The following DACH1 variants were observed in gnomAD, a reference collection of about 807,000 sequenced individuals.
DACH1 encodes dachshund family transcription factor 1.
Under a neutral mutation model 54.2 loss-of-function variants are expected in DACH1, and 12 were observed. The ratio of observed to expected loss-of-function variants is 0.22; its 90% CI spans 0.14 to 0.36. The LOEUF (loss-of-function observed/expected upper bound fraction) is 0.36. Ranked by LOEUF, DACH1 falls within the 10% of genes least tolerant of loss-of-function variation. DACH1 has a pLI of 1.00. For synonymous variants in DACH1, 386 were observed against 366.2 expected (o/e 1.05, Z -0.62); for missense variants, 805 against 929.8 (o/e 0.87, Z 1.75).
intron 10 of DACH1, among the ~76,000 whole-genome samples, chr13:71,466,983 T>A (rs1876640186): frequency 1.3e-5 from 2 of 152,156 alleles, no homozygotes; most frequent in Admixed American, 1.3e-4. Flanking sequence ...TAACAATGGT[T>A]TCTTTTTCGT....
In DACH1 at chr13:71,477,774, A is replaced by G. The variant is rs948635738; in HGVS notation, c.1870+1395T>C. 2.0e-5 allele frequency among the ~76,000 whole-genome samples: 3 copies of G among 152,272 alleles called. No homozygotes were observed. The East Asian group carries it at 5.8e-4, about 29-fold the overall frequency. On this transcript the variant is annotated intron_variant, in intron 8 of 10. Coordinates refer to ENST00000613252, the MANE Select transcript of DACH1 (RefSeq NM_080759.6). The stretch of plus-strand genomic sequence containing the variant: ...TTGACCGCTCACAGTTTCCTCCTAC[A>G]TGATTGAACCAAATGGGATCGTCAT...
intron 6 of DACH1, among the ~76,000 whole-genome samples, chr13:71,491,485 T>C (rs546197732): frequency 5.3e-5 from 8 of 152,308 alleles, no homozygotes; most frequent in African/African-American, 1.9e-4. Flanking sequence ...GAATAGGCTA[T>C]TATTTGTTAC....
intron 2 of DACH1, among the ~76,000 whole-genome samples, chr13:71,665,750 C>T (rs570962238): frequency 1.3e-5 from 2 of 152,106 alleles, no homozygotes; most frequent in East Asian, 3.9e-4. Flanking sequence ...CAATTCTGAT[C>T]AAAATATGAA....
Position 71,482,946 on chromosome 13 carries a change from A to G in DACH1, c.1723-3630T>C, listed in dbSNP as rs57140511. ...CTCCCAAGTAGCTGGGATTACAGGC[A>G]TGTGCCACCATACCCGGCTTATTTT... On this transcript the variant is annotated intron_variant, in intron 7 of 10. Transcript: ENST00000613252. 8.6e-3 allele frequency among the ~76,000 whole-genome samples: 1,314 copies of G among 152,038 alleles called. 17 individuals are homozygous for G. Among genetic ancestry groups the G allele is most frequent in the African/African-American group, 0.029 (1,208 of 41,480 alleles).
rs1229689918 is a variant in DACH1 at position 71,857,120 on chromosome 13, T to C, written c.848+8802A>G. On this transcript the variant is annotated intron_variant, in intron 1 of 10. Coordinates refer to ENST00000613252, the MANE Select transcript of DACH1 (RefSeq NM_080759.6). ...CTAATACCCAATCGTTTAATATCTA[T>C]TTTATACAAATAAAATAATTCTTAT... Among the ~76,000 whole-genome samples the C allele has an allele frequency of 4.6e-5, 7 of 151,944 alleles. No homozygotes were observed. The East Asian group carries it at 1.3e-3, about 29-fold the overall frequency.
At chr13:71,609,288 C>T (rs566736330) in intron 3 of DACH1, among the ~76,000 whole-genome samples, 31 of 152,118 alleles carry the variant, frequency 2.0e-4, no homozygotes, top group Admixed American at 9.8e-4. Context: ...TGTGACCATA[C>T]GAAGTCACCG....
chr13:71,804,216 G>A (rs1236173888), intron 1 of DACH1, among the ~76,000 whole-genome samples: 1 of 152,026 alleles, frequency 6.6e-6, no homozygotes, highest in Non-Finnish European at 1.5e-5. Flanking sequence ...GGGAGACTAA[G>A]GCAGGAGAAT....
chr13:71,628,666 C>A (rs1356572011), intron 3 of DACH1, among the ~76,000 whole-genome samples: 1 of 151,916 alleles, frequency 6.6e-6, no homozygotes, highest in Non-Finnish European at 1.5e-5. Flanking sequence ...AAAGAAAATT[C>A]AAATTGTTTG....
intron 6 of DACH1, among the ~76,000 whole-genome samples, chr13:71,513,712 T>C (rs933532558): frequency 1.3e-5 from 2 of 152,096 alleles, no homozygotes; most frequent in African/African-American, 2.4e-5. Context: ...TGATCCATTT[T>C]CAAGGGTTTT....
intron 6 of DACH1, among the ~76,000 whole-genome samples, chr13:71,548,693 G>A (rs944861190): frequency 3.9e-5 from 6 of 152,068 alleles, no homozygotes; most frequent in African/African-American, 1.4e-4. Context: ...GAGGTGGGTG[G>A]ATTGCCTGAG....
chr13:71,721,500 C>T (rs2138803825), intron 1 of DACH1, among the ~76,000 whole-genome samples: 1 of 152,222 alleles, frequency 6.6e-6, no homozygotes, highest in South Asian at 2.1e-4. Flanking sequence ...AATTATCTGA[C>T]TTTGCATTCA....
At chr13:71,639,440 G>C (rs74096985) in intron 2 of DACH1, among the ~76,000 whole-genome samples, 1 of 151,942 alleles carries the variant, frequency 6.6e-6, no homozygotes, top group Non-Finnish European at 1.5e-5. Flanking sequence ...GGCCATTAAT[G>C]GAAACACTCC....
At chr13:71,861,227 T>A (rs576074125) in intron 1 of DACH1, among the ~76,000 whole-genome samples, 2 of 152,042 alleles carry the variant, frequency 1.3e-5, no homozygotes, top group Non-Finnish European at 2.9e-5. Context: ...GAAAAAAGCC[T>A]GTCGTGTAGT....
chr13:71,591,609 T>C (rs1006318194), intron 3 of DACH1, among the ~76,000 whole-genome samples: 8 of 152,148 alleles, frequency 5.3e-5, no homozygotes, highest in African/African-American at 1.9e-4. Context: ...GACAAACAAC[T>C]GTATACTCAT....
intron 1 of DACH1, among the ~76,000 whole-genome samples, chr13:71,792,371 C>T (rs1020391186): frequency 1.4e-5 from 2 of 147,970 alleles, no homozygotes; most frequent in African/African-American, 5.0e-5. Context: ...CACACACACA[C>T]CCCTGGAATC....
At chr13:71,767,833 T>G (rs1885701602) in intron 1 of DACH1, among the ~76,000 whole-genome samples, 1 of 152,054 alleles carries the variant, frequency 6.6e-6, no homozygotes, top group African/African-American at 2.4e-5. Flanking sequence ...AATATTTTCC[T>G]AGCCCTTTAA....
intron 1 of DACH1, among the ~76,000 whole-genome samples, chr13:71,835,090 C>A (rs1240438155): frequency 6.6e-6 from 1 of 152,038 alleles, no homozygotes; most frequent in Non-Finnish European, 1.5e-5. Context: ...CATTGTTCTT[C>A]CTACATATTT....
intron 1 of DACH1, among the ~76,000 whole-genome samples, chr13:71,837,106 A>G (rs1324879468): frequency 2.0e-5 from 3 of 151,930 alleles, no homozygotes; most frequent in African/African-American, 7.3e-5. Flanking sequence ...GGAAATGAAA[A>G]TGCATTATTC....
intron 2 of DACH1, among the ~76,000 whole-genome samples, chr13:71,657,124 C>G (rs1273141569): frequency 6.6e-6 from 1 of 151,200 alleles, no homozygotes; most frequent in Non-Finnish European, 1.5e-5. Flanking sequence ...AACTAACTAA[C>G]CTGAGACTTA....
Sources: allele counts gnomAD v4.1 joint callset (sites outside exome capture counted in the v4.1 genomes callset), GRCh38; gene constraint gnomAD v4.1.1; transcripts MANE v1.5; gene names NCBI Gene and HGNC (gene_info 2026-07-23, HGNC 2026-07-21).